The following USP20 variants were observed in gnomAD, a reference collection of about 807,000 sequenced individuals.
The protein encoded by USP20 is ubiquitin specific peptidase 20.
A neutral mutation model predicts 124.2 loss-of-function variants in USP20; 80 were observed. The observed-to-expected ratio is 0.64, with a 90% CI of 0.54 to 0.78. The LOEUF is 0.78. USP20 is among the 30% of genes least tolerant of loss of function. USP20 has a pLI of 0.00. For synonymous variants in USP20, 481 were observed against 512.3 expected (o/e 0.94, Z 0.83); for missense variants, 1,043 against 1,244.4 (o/e 0.84, Z 2.44).
intron 6 of USP20, among the ~76,000 whole-genome samples, chr9:129,858,827 T>G (rs76832352): frequency 0.013 from 1,953 of 152,024 alleles, 20 homozygotes; most frequent in Middle Eastern, 0.024. Flanking sequence ...TGACTGAGAG[T>G]AGGGCCTCCC....
chr9:129,857,974 G>T, intron 4 of USP20, 76 bp from the exon 5 acceptor site: 1 of 1,387,490 alleles, frequency 7.2e-7, no homozygotes, highest in Middle Eastern at 1.8e-4. Context: ...ACTGACTTTG[G>T]GATGGAACCA....
chr9:129,872,696 T>C (rs1257963971), intron 15 of USP20, among the ~76,000 whole-genome samples: 1 of 152,162 alleles, frequency 6.6e-6, no homozygotes, highest in Non-Finnish European at 1.5e-5. Context: ...GACTTAATTT[T>C]CACAGTGTGC....
intron 6 of USP20, among the ~76,000 whole-genome samples, chr9:129,860,454 T>C (rs2033484625): frequency 6.6e-6 from 1 of 152,200 alleles, no homozygotes; most frequent in Non-Finnish European, 1.5e-5. Context: ...TAAAATATTT[T>C]TTTTATTGCC....
At chr9:129,876,774 C>T (rs1274567405) in intron 22 of USP20, among the ~76,000 whole-genome samples, 1 of 152,054 alleles carries the variant, frequency 6.6e-6, no homozygotes, top group African/African-American at 2.4e-5. Context: ...TGCTGTTGAG[C>T]TTAAAGAACC....
Position 129,874,557 on chromosome 9 carries a change from GCT to G in USP20, c.1741-12_1741-11del, listed in dbSNP as rs536290350. 6,663 of 1,610,788 alleles carry G rather than the reference GCT, an allele frequency of 4.1e-3. 18 individuals carry two copies. The highest frequency in any genetic ancestry group is 5.0e-3 in the Non-Finnish European group (5,868 of 1,177,820). ...CATCATTTCTTCCTAGATGACCGGC[GCT>G]CTCTCTGTCCCCGCAGATCCTGTGC... On this transcript the variant is annotated splice_polypyrimidine_tract_variant and intron_variant, in intron 17 of 25. Transcript: ENST00000372429.
intron 1 of USP20, chr9:129,835,896 C>G (rs2031792473): frequency 6.6e-6 from 1 of 152,238 alleles, no homozygotes; most frequent in Non-Finnish European, 1.5e-5. Context: ...AAAAGATGAC[C>G]ACTTCTCTGC....
rs2034235207 is a variant in USP20 at position 129,873,513 on chromosome 9, GAAGT to G, written c.1694+3_1694+6del. 2.5e-6 allele frequency: 4 copies of G among 1,614,186 alleles called. No homozygotes were observed. Among genetic ancestry groups the G allele is most frequent in the East Asian group, 2.2e-5 (1 of 44,876 alleles). On this transcript the variant is annotated splice_donor_variant and coding_sequence_variant, in exon 16 of 26. Transcript: ENST00000372429. LOFTEE classifies it high-confidence loss of function. The stretch of plus-strand genomic sequence containing the variant: ...ACATGTACAGCTGTGAGCGGTGTAA[GAAGT>G]AAGTGAGCCTTCCCCCGCCTTCTCC...
rs539728549 is a variant in USP20 at position 129,872,124 on chromosome 9, G to A, written c.1661-1358G>A. Among the ~76,000 whole-genome samples the A allele has an allele frequency of 4.8e-4, 73 of 152,102 alleles. 1 individual carries two copies. Among genetic ancestry groups the A allele is most frequent in the African/African-American group, 1.7e-3 (72 of 41,506 alleles). ...GGAAAAACATCTATGTGAGTCTTTT[G>A]CCTATTTTGTTTTTTGTTGCTTGTT... is the stretch of plus-strand genomic sequence containing the variant. On this transcript the variant is annotated intron_variant, in intron 15 of 25. Coordinates refer to ENST00000372429, the MANE Select transcript of USP20 (RefSeq NM_001110303.4).
Position 129,852,655 on chromosome 9 carries a change from C to T in USP20, c.81+19C>T, listed in dbSNP as rs116934697. 24,778 of 1,569,024 alleles carry T rather than the reference C, an allele frequency of 0.016. 237 individuals are homozygous for T. Among genetic ancestry groups the T allele is most frequent in the Non-Finnish European group, 0.019 (22,146 of 1,155,260 alleles). On this transcript the variant is annotated intron_variant, in intron 3 of 25. Transcript: ENST00000372429. Reference sequence around the variant, plus strand: ...ATCTAAGGTAAAGGGTCAGACCTTACGGGGCCAGGGCCCACACCCAGGGCT... The same window carrying T: ...ATCTAAGGTAAAGGGTCAGACCTTATGGGGCCAGGGCCCACACCCAGGGCT...
intron 4 of USP20, 23 bp from the exon 5 acceptor site, chr9:129,858,027 A>G (rs865820505): frequency 1.9e-6 from 3 of 1,610,136 alleles, no homozygotes; most frequent in Middle Eastern, 1.7e-4. Flanking sequence ...GCTCCAGTCC[A>G]CTCTCCTTCC....
rs142119169 is a variant in USP20, at chr9:129,858,321, G to C, written c.199-146G>C. 877 of 1,247,996 alleles carry C rather than the reference G, an allele frequency of 7.0e-4. 1 individual carries two copies. Among genetic ancestry groups the C allele is most frequent in the Non-Finnish European group, 9.3e-4 (814 of 873,126 alleles). 77.3% of individuals were successfully genotyped at this position (1,247,996 alleles called of 1,614,324 possible). A position where few individuals can be genotyped will look rare whatever the true frequency, so the allele number is the denominator to read the frequency against. ...AGCAGCAGCCCTCAGGGTCCTGACTGGGGGTGGGTAAGCAAAATTTGAGCT... is the reference window on the plus strand; with the variant it reads ...AGCAGCAGCCCTCAGGGTCCTGACTCGGGGTGGGTAAGCAAAATTTGAGCT... On this transcript the variant is annotated intron_variant, in intron 5 of 25. Coordinates refer to ENST00000372429, the MANE Select transcript of USP20 (RefSeq NM_001110303.4).
Position 129,868,349 on chromosome 9 carries a change from C to T in USP20, c.1035C>T (p.Asp345=), listed in dbSNP as rs370363341. ...AGCGTACAAACTCGGAGCAAGTGGA[C>T]GAGGACGCTGATGTGGACACTGCCA... ...GQQRTNSEQV[D]EDADVDTAMA... Residue 345 remains aspartate (D), a synonymous_variant, in exon 11 of 26, where the codon GAC becomes GAT. Transcript: ENST00000372429. 521 of 1,611,672 alleles carry T rather than the reference C, an allele frequency of 3.2e-4. 1 individual carries two copies. In the Admixed American group the frequency reaches 3.5e-3, roughly 11 times the overall value.
Position 129,852,587 on chromosome 9 carries a change from T to G in USP20, c.32T>G (p.Leu11Arg). 16 of 1,600,534 alleles carry G rather than the reference T, an allele frequency of 1.0e-5. No homozygotes were observed. Among genetic ancestry groups the G allele is most frequent in the Non-Finnish European group, 1.4e-5 (16 of 1,172,934 alleles). The stretch of plus-strand genomic sequence containing the variant: ...GACTCCAGGGACCTTTGCCCTCACC[T>G]TGACTCCATAGGAGAGGTGACCAAA... MGDSRDLCPH[L>R]DSIGEVTKED... The change falls in exon 3 of 26, where the codon CTT (leucine) becomes CGT (arginine). Residue 11 changes from leucine to arginine, a missense_variant. Physicochemically the swap from Leu to Arg is moderately radical, Grantham distance 102. Transcript: ENST00000372429.
intron 1 of USP20, among the ~76,000 whole-genome samples, chr9:129,841,801 T>C (rs1462895360): frequency 2.0e-5 from 3 of 152,130 alleles, no homozygotes; most frequent in African/African-American, 7.2e-5. Context: ...AGCTTAGATC[T>C]CAGGAAGCGC....
At chr9:129,873,612 T>A in intron 16 of USP20, 87 bp from the exon 17 acceptor site, 2 of 1,613,460 alleles carry the variant, frequency 1.2e-6, no homozygotes, top group Admixed American at 3.3e-5. Flanking sequence ...AATCCTGCCT[T>A]CCCAGAAGGG....
intron 2 of USP20, 72 bp from the exon 3 acceptor site, chr9:129,852,468 T>G (rs2032975440): frequency 7.1e-7 from 1 of 1,399,436 alleles, no homozygotes; most frequent in Non-Finnish European, 9.9e-7. Context: ...GTCATGTACT[T>G]AACCACTCAC....
Position 129,868,119 on chromosome 9 carries a change from G to A in USP20, c.805G>A (p.Asp269Asn). ...TCGGGACTCAGATTCGAGTGACACG[G>A]ATGAGAAACGGGAGGGTGACCGGAG... is the stretch of plus-strand genomic sequence containing the variant. Reference protein sequence around the residue: ...EARDSDSSDTDEKREGDRSPS... With the variant: ...EARDSDSSDTNEKREGDRSPS... The change falls in exon 11 of 26, where the codon GAT (aspartate) becomes AAT (asparagine). Residue 269 changes from aspartate (D) to asparagine (N), a missense_variant. By Grantham distance (23) the Asp-to-Asn change is conservative (BLOSUM62 1). Coordinates refer to ENST00000372429, the MANE Select transcript of USP20 (RefSeq NM_001110303.4). 6.2e-7 allele frequency: 1 copy of A among 1,614,210 alleles called. No homozygotes were observed.
At chr9:129,860,147 G>A (rs758995061) in intron 6 of USP20, among the ~76,000 whole-genome samples, 17 of 152,056 alleles carry the variant, frequency 1.1e-4, no homozygotes, top group Non-Finnish European at 2.2e-4. Context: ...TGGCTAACAC[G>A]GTGAAACCCC....
Position 129,842,898 on chromosome 9 carries a change from T to C in USP20, c.-128-6915T>C, listed in dbSNP as rs2032312211. Among the ~76,000 whole-genome samples the C allele has an allele frequency of 2.6e-5, 4 of 152,038 alleles. No individual in the cohort carries two copies. In the South Asian group the frequency reaches 8.3e-4, roughly 32 times the overall value. On this transcript the variant is annotated intron_variant, in intron 1 of 25. Transcript: ENST00000372429. ...GTGAGCCACCGCACCTGGCCCTTTG[T>C]GTGGAATATTAAGCACCCAGTGTTT...
Sources: allele counts gnomAD v4.1 joint callset (sites outside exome capture counted in the v4.1 genomes callset), GRCh38; gene constraint gnomAD v4.1.1; transcripts MANE v1.5; gene names NCBI Gene and HGNC (gene_info 2026-07-23, HGNC 2026-07-21).